Variants in TBL1XR1 observed in about 807,000 individuals in gnomAD.
TBL1XR1 encodes the protein TBL1X/Y related 1.
In TBL1XR1, 5 loss-of-function variants were observed where a neutral mutation model predicts 66.9. The observed-to-expected ratio is 0.07, with a 90% CI of 0.04 to 0.16. The LOEUF is 0.16. Ranked by LOEUF, TBL1XR1 falls within the 10% of genes least tolerant of loss-of-function variation. TBL1XR1 has a pLI of 1.00. For synonymous variants in TBL1XR1, 210 were observed against 206.0 expected (o/e 1.02, Z -0.17); for missense variants, 238 against 623.2 (o/e 0.38, Z 6.58).
At chr3:177,197,621 G>GGCGGGCGGGCGA (rs1392612760), upstream of TBL1XR1, among the ~76,000 whole-genome samples, 2 of 137,998 alleles carry the variant, frequency 1.4e-5, no homozygotes, top group South Asian at 2.2e-4. Context: ...GCCTGCGCCG[G>GGCGGGCGGGCGA]GCGGGCGGGC....
At position 177,097,575 on chromosome 3, in the gene TBL1XR1, CAT is replaced by C. The variant is rs150382136; in HGVS notation, c.-46+889_-46+890del. ...GTCCACTAGTCTTTCTGCTATATCA[CAT>C]GATTGCCATTTATATTCTACAGTGA... On this transcript the variant is annotated intron_variant, in intron 2 of 15. Coordinates refer to ENST00000457928, the MANE Select transcript of TBL1XR1 (RefSeq NM_024665.7). 9.7e-3 allele frequency among the ~76,000 whole-genome samples: 1,476 copies of C among 152,244 alleles called. 28 individuals are homozygous for C. The highest frequency in any genetic ancestry group is 0.034 in the African/African-American group (1,406 of 41,530).
chr3:177,066,638 A>G (rs1041015068), intron 2 of TBL1XR1, among the ~76,000 whole-genome samples: 18 of 152,366 alleles, frequency 1.2e-4, no homozygotes, highest in African/African-American at 4.3e-4. Flanking sequence ...AAGAGGAATT[A>G]GGGAGCCAAA....
chr3:177,163,180 C>T (rs1271529599), intron 1 of TBL1XR1, among the ~76,000 whole-genome samples: 2 of 152,000 alleles, frequency 1.3e-5, no homozygotes, highest in Non-Finnish European at 2.9e-5. Context: ...CTATGGAGTA[C>T]CAATACAGTA....
rs917642659 is a variant in TBL1XR1, at chr3:177,144,347, T to A, written c.-121-45806A>T. Among the ~76,000 whole-genome samples, 4 of 152,292 alleles carry A rather than the reference T, an allele frequency of 2.6e-5. No individual in the cohort carries two copies. In the East Asian group the frequency reaches 5.8e-4, roughly 22 times the overall value. On this transcript the variant is annotated intron_variant, in intron 1 of 15. Coordinates refer to ENST00000457928, the MANE Select transcript of TBL1XR1 (RefSeq NM_024665.7). The stretch of plus-strand genomic sequence containing the variant: ...TAAGTACAACATTAAAGAATCGTTC[T>A]CCATCTTAAGCCAAGGTTAGAAAAC...
chr3:177,073,615 T>C (rs1041778405), intron 2 of TBL1XR1, among the ~76,000 whole-genome samples: 8 of 152,200 alleles, frequency 5.3e-5, no homozygotes, highest in African/African-American at 1.9e-4. Flanking sequence ...ACAAATGTTT[T>C]ACTGAGTACT....
In TBL1XR1 at chr3:177,025,252, G is replaced by A; in HGVS notation, c.*246C>T. On this transcript the variant is annotated 3_prime_UTR_variant, in exon 16 of 16. Transcript: ENST00000457928. ...TTTTTCATATCCAAAACTTCTAAAT[G>A]CTATTTTAGGGGCACAGCAGATTAG... 2.5e-6 allele frequency: 1 copy of A among 404,298 alleles called. No individual in the cohort carries two copies. Among genetic ancestry groups the A allele is most frequent in the East Asian group, 3.6e-5 (1 of 27,640 alleles). The allele number at this position is 404,298 out of a possible 1,614,324, so 25.0% of individuals were successfully genotyped here.
At chr3:177,060,494 T>C (rs1718374943) in intron 3 of TBL1XR1, among the ~76,000 whole-genome samples, 1 of 152,178 alleles carries the variant, frequency 6.6e-6, no homozygotes, top group Admixed American at 6.5e-5. Context: ...TACAGAGCTC[T>C]TAGACATGTA....
intron 2 of TBL1XR1, among the ~76,000 whole-genome samples, chr3:177,095,925 C>T (rs1723424188): frequency 2.0e-5 from 3 of 152,096 alleles, no homozygotes; most frequent in African/African-American, 7.2e-5. Context: ...AGATGGATAT[C>T]CCACTTATCC....
In TBL1XR1 at chr3:177,104,077, C is replaced by T. The variant is rs1186010105; in HGVS notation, c.-121-5536G>A. On this transcript the variant is annotated intron_variant, in intron 1 of 15. Transcript: ENST00000457928. ...GTTGCAGTGAGCTGAGATCACATCACTGCATTCCAGCCTGGGTGACAGAGC... is the reference window on the plus strand; with the variant it reads ...GTTGCAGTGAGCTGAGATCACATCATTGCATTCCAGCCTGGGTGACAGAGC... Among the ~76,000 whole-genome samples the T allele has an allele frequency of 2.0e-5, 3 of 149,702 alleles. No individual in the cohort carries two copies. The Admixed American group carries it at 2.0e-4, about 10-fold the overall frequency.
At chr3:177,047,577 A>G (rs1216877181) in intron 7 of TBL1XR1, 28 bp from the exon 8 acceptor site, 6 of 1,596,120 alleles carry the variant, frequency 3.8e-6, no homozygotes, top group South Asian at 1.1e-5. Flanking sequence ...TTCTTTAATT[A>G]TATAATCTAG....
At chr3:177,032,131 A>C (rs1200495666) in intron 14 of TBL1XR1, among the ~76,000 whole-genome samples, 2 of 152,384 alleles carry the variant, frequency 1.3e-5, no homozygotes, top group East Asian at 3.9e-4. Flanking sequence ...AAAATGGAAG[A>C]AGCACAATGC....
chr3:177,063,111 C>T (rs1051809485), intron 3 of TBL1XR1, among the ~76,000 whole-genome samples: 6 of 151,778 alleles, frequency 4.0e-5, no homozygotes, highest in South Asian at 2.1e-4. Flanking sequence ...AGCAAAACTC[C>T]GTCTCAAAAA....
chr3:177,103,849 G>C (rs904750317), intron 1 of TBL1XR1, among the ~76,000 whole-genome samples: 3 of 152,004 alleles, frequency 2.0e-5, no homozygotes, highest in African/African-American at 7.2e-5. Context: ...CATGAATTAA[G>C]AGAAAAATAT....
In TBL1XR1 at chr3:177,020,845, A is replaced by G. The variant is rs1712256513; in HGVS notation, c.*4653T>C. On this transcript the variant is annotated 3_prime_UTR_variant, in exon 16 of 16. Coordinates refer to ENST00000457928, the MANE Select transcript of TBL1XR1 (RefSeq NM_024665.7). Reference sequence around the variant, plus strand: ...ATACAATGCAAAGGGGAACTGCAACAACAACAACAACAAGAAATGTGCCTA... The same window carrying G: ...ATACAATGCAAAGGGGAACTGCAACGACAACAACAACAAGAAATGTGCCTA... 2 of 152,202 alleles carry G rather than the reference A, an allele frequency of 1.3e-5. No homozygotes were observed. Among genetic ancestry groups the G allele is most frequent in the Admixed American group, 1.3e-4 (2 of 15,272 alleles). 9.4% of individuals were successfully genotyped at this position (152,202 alleles called of 1,614,324 possible).
chr3:177,074,933 T>C (rs1302963022), intron 2 of TBL1XR1, among the ~76,000 whole-genome samples: 1 of 152,216 alleles, frequency 6.6e-6, no homozygotes, highest in African/African-American at 2.4e-5. Context: ...TTGTGGTTTA[T>C]CCATTCTGGT....
At chr3:177,137,781 G>A (rs1196077814) in intron 1 of TBL1XR1, among the ~76,000 whole-genome samples, 1 of 152,154 alleles carries the variant, frequency 6.6e-6, no homozygotes, top group Non-Finnish European at 1.5e-5. Context: ...AACAGCCTGG[G>A]CAACATGGCA....
Position 177,034,187 on chromosome 3 carries a change from A to AG in TBL1XR1, c.1250+10dup, listed in dbSNP as rs746850707. 1.9e-6 allele frequency: 3 copies of AG among 1,600,574 alleles called. No homozygotes were observed. The South Asian group carries it at 3.5e-5, about 18-fold the overall frequency. On this transcript the variant is annotated intron_variant, in intron 13 of 15. Coordinates refer to ENST00000457928, the MANE Select transcript of TBL1XR1 (RefSeq NM_024665.7). ...AGACTCATAAAAGGAAAAATGAAAC[A>AG]GAAGTATCACCTTGCTAACATAAGG...
At chr3:177,071,565 T>C (rs778632416) in intron 2 of TBL1XR1, among the ~76,000 whole-genome samples, 101 of 152,212 alleles carry the variant, frequency 6.6e-4, no homozygotes, top group Non-Finnish European at 1.3e-3. Context: ...AGCAGAAATA[T>C]GTGATTGATA....
chr3:177,189,523 C>T (rs1453220388), intron 1 of TBL1XR1, among the ~76,000 whole-genome samples: 4 of 151,846 alleles, frequency 2.6e-5, no homozygotes, highest in Non-Finnish European at 4.4e-5. Flanking sequence ...GGCGTGGTGG[C>T]CAGCACCTGT....
Sources: allele counts gnomAD v4.1 joint callset (sites outside exome capture counted in the v4.1 genomes callset), GRCh38; gene constraint gnomAD v4.1.1; transcripts MANE v1.5; gene names NCBI Gene and HGNC (gene_info 2026-07-23, HGNC 2026-07-21).